The following IGSF21 variants were observed in gnomAD, a reference collection of about 807,000 sequenced individuals.
The protein encoded by IGSF21 is immunoglobulin superfamily member 21.
In IGSF21, 28 loss-of-function variants were observed where a neutral mutation model predicts 46.8. The observed-to-expected ratio is 0.60, with a 90% confidence interval of 0.44 to 0.82. The LOEUF is 0.82. IGSF21 is among the 40% of genes least tolerant of loss of function. IGSF21 has a pLI of 0.00. For synonymous variants in IGSF21, 284 were observed against 273.6 expected, an observed-to-expected ratio of 1.04 and a Z score of -0.38; for missense variants, 624 against 665.5, an observed-to-expected ratio of 0.94 and a Z score of 0.69.
At chr1:18,236,162 T>G (rs2084670993) in intron 2 of IGSF21, among the ~76,000 whole-genome samples, 1 of 152,112 alleles carries the variant, frequency 6.6e-6, no homozygotes, top group Admixed American at 6.5e-5. Context: ...ATAATTTCCA[T>G]GTGTCAAGGG....
chr1:18,137,288 C>T (rs1191503146), intron 1 of IGSF21, among the ~76,000 whole-genome samples: 1 of 152,184 alleles, frequency 6.6e-6, no homozygotes, highest in African/African-American at 2.4e-5. Context: ...GGTGTTAAAT[C>T]ATTCATGAGA....
At chr1:18,197,794 G>C (rs965190990) in intron 1 of IGSF21, among the ~76,000 whole-genome samples, 4 of 152,174 alleles carry the variant, frequency 2.6e-5, no homozygotes, top group African/African-American at 9.7e-5. Context: ...CCTCATATTG[G>C]GGCTATGGTG....
intron 1 of IGSF21, among the ~76,000 whole-genome samples, chr1:18,208,436 C>T (rs2084355549): frequency 7.5e-6 from 1 of 134,062 alleles, no homozygotes; most frequent in Admixed American, 7.7e-5. Context: ...GGCTGGAGTG[C>T]AGTGGCGCAA....
intron 1 of IGSF21, among the ~76,000 whole-genome samples, chr1:18,208,696 C>A (rs1017795170): frequency 9.9e-5 from 15 of 151,574 alleles, no homozygotes; most frequent in Non-Finnish European, 1.8e-4. Flanking sequence ...CGTGCCCGGC[C>A]CAGTCTAGGA....
At chr1:18,175,272 G>A (rs1021111781) in intron 1 of IGSF21, among the ~76,000 whole-genome samples, 6 of 152,148 alleles carry the variant, frequency 3.9e-5, no homozygotes, top group Non-Finnish European at 7.3e-5. Flanking sequence ...TTATAATCTG[G>A]AGGGACTGGA....
intron 1 of IGSF21, among the ~76,000 whole-genome samples, chr1:18,122,792 T>A (rs2086246328): frequency 1.3e-5 from 2 of 152,048 alleles, no homozygotes; most frequent in Admixed American, 1.3e-4. Context: ...CAGCTAATTT[T>A]TTTTCTGTAT....
intron 1 of IGSF21, among the ~76,000 whole-genome samples, chr1:18,173,817 A>C (rs1352045326): frequency 1.3e-5 from 2 of 152,176 alleles, no homozygotes; most frequent in African/African-American, 4.8e-5. Context: ...GCAGTGGTGC[A>C]ATCTCAGCTC....
At chr1:18,159,615 C>T (rs2086598130) in intron 1 of IGSF21, among the ~76,000 whole-genome samples, 1 of 152,130 alleles carries the variant, frequency 6.6e-6, no homozygotes, top group East Asian at 1.9e-4. Flanking sequence ...TGTGAGGCCT[C>T]CCCAGCCGTG....
chr1:18,177,742 G>C (rs534207867), intron 1 of IGSF21, among the ~76,000 whole-genome samples: 1 of 152,120 alleles, frequency 6.6e-6, no homozygotes, highest in Non-Finnish European at 1.5e-5. Context: ...GGGGGAGTGG[G>C]TGTGTTTGGG....
chr1:18,204,278 G>A (rs920190551), intron 1 of IGSF21, among the ~76,000 whole-genome samples: 4 of 152,206 alleles, frequency 2.6e-5, no homozygotes, highest in African/African-American at 4.8e-5. Context: ...TTACATGTTG[G>A]TTAAATGGCA....
chr1:18,266,867 C>G (rs2084994461), intron 2 of IGSF21, among the ~76,000 whole-genome samples: 1 of 152,208 alleles, frequency 6.6e-6, no homozygotes, highest in Non-Finnish European at 1.5e-5. Flanking sequence ...AGAGGGACCA[C>G]CTGAGAGTCT....
chr1:18,250,223 C>T (rs956890640), intron 2 of IGSF21, among the ~76,000 whole-genome samples: 1 of 151,484 alleles, frequency 6.6e-6, no homozygotes. Flanking sequence ...TCTGACGATG[C>T]TCTCAGGTGC....
At chr1:18,198,601 T>C (rs1388966776) in intron 1 of IGSF21, among the ~76,000 whole-genome samples, 1 of 152,200 alleles carries the variant, frequency 6.6e-6, no homozygotes, top group Non-Finnish European at 1.5e-5. Context: ...TGCCAGGCGC[T>C]TTCTTAATGC....
At chr1:18,114,587 T>C (rs949436713) in intron 1 of IGSF21, 4 of 152,236 alleles carry the variant, frequency 2.6e-5, no homozygotes, top group Admixed American at 2.6e-4. Context: ...GTTTCTCAGA[T>C]AAAGTAGCAG....
chr1:18,146,708 G>A (rs2086470011), intron 1 of IGSF21, among the ~76,000 whole-genome samples: 1 of 152,118 alleles, frequency 6.6e-6, no homozygotes, highest in Admixed American at 6.5e-5. Context: ...AGGGTCCCGG[G>A]TGAGACCAGA....
In IGSF21 at chr1:18,376,851, C is replaced by T. The variant is rs2086286234; in HGVS notation, c.1153C>T (p.Leu385Phe). The change falls in exon 8 of 10, where the codon CTC (leucine) becomes TTC (phenylalanine). Residue 385 changes from leucine (L) to phenylalanine (F), a missense_variant. Coordinates refer to ENST00000251296, the MANE Select transcript of IGSF21 (RefSeq NM_032880.5). ...MFTWTRVGSR[L>F]LDGSAEFDGK... is the part of the protein sequence containing the mutation. ...CACGTGGACGCGGGTTGGGAGCCGC[C>T]TCCTGGACGGCAGCGCTGAGTTCGA... The T allele has an allele frequency of 1.2e-6, 2 of 1,610,946 alleles. No homozygotes were observed. The highest frequency in any genetic ancestry group is 1.7e-5 in the Admixed American group (1 of 59,928).
chr1:18,122,655 C>G (rs1367220547), intron 1 of IGSF21, among the ~76,000 whole-genome samples: 2 of 145,176 alleles, frequency 1.4e-5, no homozygotes, highest in Non-Finnish European at 3.0e-5. Context: ...GAGTCTCGCT[C>G]TGTCACCCAG....
intron 1 of IGSF21, chr1:18,113,822 A>G (rs1442422100): frequency 2.6e-5 from 4 of 152,060 alleles, no homozygotes; most frequent in African/African-American, 9.7e-5. Flanking sequence ...CTCCCAGTGT[A>G]CTGAGAGGGT....
intron 1 of IGSF21, among the ~76,000 whole-genome samples, chr1:18,191,140 C>T (rs2086952262): frequency 6.6e-6 from 1 of 152,170 alleles, no homozygotes; most frequent in Non-Finnish European, 1.5e-5. Flanking sequence ...CCCCCTCACC[C>T]ATTCCTCGTT....
Sources: gnomAD v4.1 joint callset for allele counts (sites outside exome capture counted in the v4.1 genomes callset) on GRCh38, gnomAD v4.1.1 for gene constraint, MANE v1.5 for transcripts, NCBI Gene and HGNC (gene_info 2026-07-23, HGNC 2026-07-21) for gene names.